Variants in SLC23A2 observed in about 807,000 individuals in gnomAD.
SLC23A2 encodes the protein solute carrier family 23 member 2.
Under a neutral mutation model 73.3 loss-of-function variants are expected in SLC23A2, and 36 were observed. The ratio of observed to expected loss-of-function variants is 0.49; its 90% CI spans 0.38 to 0.65. The LOEUF is 0.65. SLC23A2 is among the 30% of genes least tolerant of loss of function. SLC23A2 has a pLI of 0.00. For missense variants in SLC23A2, 507 were observed against 841.6 expected, an observed-to-expected ratio of 0.60 and a Z score of 4.92; for synonymous variants, 343 against 327.3, an observed-to-expected ratio of 1.05 and a Z score of -0.52.
intron 6 of SLC23A2, among the ~76,000 whole-genome samples, chr20:4,895,908 T>C (rs755881374): frequency 8.5e-5 from 13 of 152,164 alleles, no homozygotes; most frequent in Non-Finnish European, 2.9e-5. Context: ...GAACAGCGCA[T>C]ATGCTCACGG....
intron 2 of SLC23A2, among the ~76,000 whole-genome samples, chr20:4,963,418 C>T (rs1362449061): frequency 6.6e-6 from 1 of 152,072 alleles, no homozygotes; most frequent in Non-Finnish European, 1.5e-5. Context: ...CTTCAGGACC[C>T]CTTAGTCACA....
rs1180812254 is a variant in SLC23A2 at position 4,853,795 on chromosome 20, C to T, written c.*3177G>A. On this transcript the variant is annotated 3_prime_UTR_variant, in exon 17 of 17. Transcript: ENST00000338244. Reference sequence around the variant, plus strand: ...GGCATGGTTAAAGCCACTTCTCTTGCCTTGATCAATCCCAAGAAACTAAAA... The same window carrying T: ...GGCATGGTTAAAGCCACTTCTCTTGTCTTGATCAATCCCAAGAAACTAAAA... The T allele has an allele frequency of 6.6e-6, 1 of 152,344 alleles. No homozygotes were observed. Among genetic ancestry groups the T allele is most frequent in the African/African-American group, 2.4e-5 (1 of 41,442 alleles). The allele number at this position is 152,344 out of a possible 1,614,324, so 9.4% of individuals were successfully genotyped here.
intron 6 of SLC23A2, among the ~76,000 whole-genome samples, chr20:4,896,924 C>G (rs1250266288): frequency 6.6e-6 from 1 of 152,190 alleles, no homozygotes; most frequent in Non-Finnish European, 1.5e-5. Flanking sequence ...GCTCCTGCCC[C>G]TGCTGGGATG....
At chr20:4,975,915 G>A (rs1366801158) in intron 1 of SLC23A2, among the ~76,000 whole-genome samples, 31 of 149,198 alleles carry the variant, frequency 2.1e-4, no homozygotes, top group African/African-American at 6.9e-4. Context: ...GTGCAGTGGC[G>A]CGATCTCGGC....
intron 3 of SLC23A2, among the ~76,000 whole-genome samples, chr20:4,915,746 G>A (rs144479109): frequency 0.012 from 1,899 of 152,176 alleles, 25 homozygotes; most frequent in Non-Finnish European, 0.016. Flanking sequence ...TCACGAGTTC[G>A]AGACCAGCCT....
chr20:4,945,234 T>A (rs894418073), intron 2 of SLC23A2, among the ~76,000 whole-genome samples: 14 of 150,030 alleles, frequency 9.3e-5, no homozygotes, highest in East Asian at 1.9e-4. Flanking sequence ...TGACTGAATT[T>A]AAAAAAAAAA....
intron 9 of SLC23A2, among the ~76,000 whole-genome samples, chr20:4,879,145 G>A (rs1038297163): frequency 2.0e-5 from 3 of 152,074 alleles, no homozygotes; most frequent in Non-Finnish European, 2.9e-5. Flanking sequence ...GGTGGCTCAC[G>A]CCTGTAATCC....
At chr20:4,952,282 C>T (rs1175970164) in intron 2 of SLC23A2, among the ~76,000 whole-genome samples, 1 of 151,994 alleles carries the variant, frequency 6.6e-6, no homozygotes. Flanking sequence ...AATAATTTAA[C>T]CACAGGATGA....
intron 2 of SLC23A2, among the ~76,000 whole-genome samples, chr20:4,956,053 C>T (rs2087283553): frequency 6.6e-6 from 1 of 152,024 alleles, no homozygotes. Flanking sequence ...GGCAAAACAA[C>T]TAAAATGCTA....
In SLC23A2 at chr20:4,867,835, T is replaced by C. The variant is rs757490678; in HGVS notation, c.1291A>G (p.Ile431Val). 2 of 1,611,928 alleles carry C rather than the reference T, an allele frequency of 1.2e-6. No individual in the cohort carries two copies. Among genetic ancestry groups the C allele is most frequent in the Non-Finnish European group, 1.7e-6 (2 of 1,178,180 alleles). ...VEGLSCVLDGIFGTGNGSTSS... is the reference protein window; with the variant it reads ...VEGLSCVLDGVFGTGNGSTSS... Reference sequence around the variant, plus strand: ...GTAGAGCCATTCCCAGTACCAAATATGCCATCAAGAACACAGGAGAGGCCT... The same window carrying C: ...GTAGAGCCATTCCCAGTACCAAATACGCCATCAAGAACACAGGAGAGGCCT... The change falls in exon 13 of 17, where the codon ATA (isoleucine) becomes GTA (valine). Residue 431 changes from isoleucine (I) to valine (V), a missense_variant. Around this residue, in one of 5 missense-constraint regions of SLC23A2, gnomAD observed 168 missense variants for 302.3 expected, o/e 0.56. Transcript: ENST00000338244.
intron 2 of SLC23A2, among the ~76,000 whole-genome samples, chr20:4,942,187 G>A (rs900808175): frequency 1.4e-4 from 22 of 152,082 alleles, no homozygotes; most frequent in African/African-American, 4.1e-4. Context: ...TCTGCTGTGA[G>A]CTCAGGATAC....
Position 4,883,615 on chromosome 20 carries a change from G to A in SLC23A2, c.824+27C>T. 6.5e-7 allele frequency: 1 copy of A among 1,539,046 alleles called. No individual in the cohort carries two copies. On this transcript the variant is annotated intron_variant, in intron 9 of 16. Transcript: ENST00000338244. This position sits in a 1 kb window ranked among gnomAD's most constrained non-coding sequence, Gnocchi z 4.5. The stretch of plus-strand genomic sequence containing the variant: ...TTCCTAAAGGCTGCCCCGCAGTGGT[G>A]GGATGAGGGGAGATGTTTCCACTTA...
rs1929766132 is a variant in SLC23A2 at position 4,857,342 on chromosome 20, C to CACACACA, written c.1721-139_1721-138insTGTGTGT. 1.7e-6 allele frequency: 1 copy of CACACACA among 578,730 alleles called. No individual in the cohort carries two copies. The highest frequency in any genetic ancestry group is 3.0e-6 in the Non-Finnish European group (1 of 331,644). The allele number at this position is 578,730 out of a possible 1,614,324, so 35.8% of individuals were successfully genotyped here. A position where few individuals can be genotyped will look rare whatever the true frequency, so the allele number is the denominator to read the frequency against. On this transcript the variant is annotated intron_variant, in intron 16 of 16. Transcript: ENST00000338244. This position sits in a 1 kb window ranked among gnomAD's most constrained non-coding sequence, Gnocchi z 4.0. ...CACACACACACACACACACATGGTC[C>CACACACA]CACAGATCAAACCTGCCTAGATAAC...
At chr20:4,867,506 G>T (rs1196686771) in intron 13 of SLC23A2, among the ~76,000 whole-genome samples, 1 of 152,046 alleles carries the variant, frequency 6.6e-6, no homozygotes. Context: ...TTGAACAGTG[G>T]CCTGGCAGAG....
At chr20:4,981,102 C>T (rs1280081672) in intron 1 of SLC23A2, among the ~76,000 whole-genome samples, 3 of 152,130 alleles carry the variant, frequency 2.0e-5, no homozygotes, top group Non-Finnish European at 2.9e-5. Context: ...TTTCCTACTG[C>T]AAAAAGGCAG....
chr20:4,927,007 C>T (rs1932696121), intron 3 of SLC23A2, among the ~76,000 whole-genome samples: 1 of 151,916 alleles, frequency 6.6e-6, no homozygotes, highest in South Asian at 2.1e-4. Context: ...TCTCTAGATG[C>T]CTTAACAGCT....
intron 3 of SLC23A2, among the ~76,000 whole-genome samples, chr20:4,914,605 T>TCCA (rs1470075116): frequency 6.6e-6 from 1 of 152,118 alleles, no homozygotes; most frequent in East Asian, 1.9e-4. Context: ...TCTAGAAATA[T>TCCA]CCATGCAGGT....
chr20:4,855,723 T>G lies in SLC23A2; in HGVS notation c.*1249A>C, dbSNP rs1275327429. 6.6e-6 allele frequency: 1 copy of G among 152,652 alleles called. No individual in the cohort carries two copies. Among genetic ancestry groups the G allele is most frequent in the African/African-American group, 2.4e-5 (1 of 41,450 alleles). The allele number at this position is 152,652 out of a possible 1,614,324, so 9.5% of individuals were successfully genotyped here. A position where few individuals can be genotyped will look rare whatever the true frequency, so the allele number is the denominator to read the frequency against. ...GACCGTTCCACGTGGCGGCTCTGCGTGTTACCTGCCCCAGCTTCCCTTCTT... is the reference window on the plus strand; with the variant it reads ...GACCGTTCCACGTGGCGGCTCTGCGGGTTACCTGCCCCAGCTTCCCTTCTT... On this transcript the variant is annotated 3_prime_UTR_variant, in exon 17 of 17. Transcript: ENST00000338244.
At chr20:4,890,805 T>TGATGTGA (rs1407191884) in intron 6 of SLC23A2, among the ~76,000 whole-genome samples, 1 of 152,336 alleles carries the variant, frequency 6.6e-6, no homozygotes, top group African/African-American at 2.4e-5. Context: ...GTGGTGATGG[T>TGATGTGA]GATGTGATTG....
Sources: allele counts gnomAD v4.1 joint callset (sites outside exome capture counted in the v4.1 genomes callset), GRCh38; gene constraint gnomAD v4.1.1; regional missense constraint gnomAD v4.1.1; non-coding constraint Gnocchi (gnomAD v3.1); transcripts MANE v1.5; gene names NCBI Gene and HGNC (gene_info 2026-07-23, HGNC 2026-07-21).